FRMPD4: variants seen among roughly 807,000 people sequenced by gnomAD.
FRMPD4 encodes FERM and PDZ domain containing 4.
Under a neutral mutation model 94.1 loss-of-function variants are expected in FRMPD4, and 22 were observed. The ratio of observed to expected loss-of-function variants is 0.23; its 90% CI spans 0.17 to 0.33. FRMPD4 has a LOEUF of 0.33. FRMPD4 is among the 10% of genes least tolerant of loss of function. The pLI, the probability that FRMPD4 is intolerant of heterozygous loss-of-function variation, is 1.00. For missense variants in FRMPD4, 1,111 were observed against 1,339.9 expected, an observed-to-expected ratio of 0.83 and a Z score of 2.67; for synonymous variants, 631 against 548.6, an observed-to-expected ratio of 1.15 and a Z score of -2.10.
intron 4 of FRMPD4, among the ~76,000 whole-genome samples, chrX:12,621,952 G>GAGAGAAAGAAAGAA (rs1338678267): frequency 1.1e-5 from 1 of 87,339 alleles, no homozygotes; most frequent in African/African-American, 4.5e-5. Context: ...AAGAGAGAGA[G>GAGAGAAAGAAAGAA]AGAGAAAGAA....
intron 1 of FRMPD4, among the ~76,000 whole-genome samples, chrX:12,493,767 G>A (rs2057816090): frequency 8.9e-6 from 1 of 111,884 alleles, no homozygotes; most frequent in African/African-American, 3.2e-5. Context: ...AGGCCTGTGA[G>A]TATCCTAAGC....
chrX:12,286,936 C>T (rs1302908245), intron 1 of FRMPD4, among the ~76,000 whole-genome samples: 1 of 112,144 alleles, frequency 8.9e-6, no homozygotes, highest in East Asian at 2.8e-4. Flanking sequence ...ACAGCAAACA[C>T]TCTCTCTGGA....
intron 1 of FRMPD4, among the ~76,000 whole-genome samples, chrX:11,838,780 C>A: frequency 9.0e-6 from 1 of 111,516 alleles, no homozygotes; most frequent in African/African-American, 3.3e-5. Context: ...TAATGTCATG[C>A]TTTTGAGGTT....
chrX:12,176,053 T>A (rs1048566584), intron 1 of FRMPD4, among the ~76,000 whole-genome samples: 6 of 112,091 alleles, frequency 5.4e-5, no homozygotes, highest in African/African-American at 1.3e-4. Flanking sequence ...ATGTAAATAC[T>A]CCGTCACCAA....
chrX:12,203,770 AT>A (rs916845453), intron 1 of FRMPD4, among the ~76,000 whole-genome samples: 34 of 111,803 alleles, frequency 3.0e-4, no homozygotes, highest in South Asian at 7.6e-4. Context: ...CTTCAAATGC[AT>A]TTTTTTCCCC....
rs749110317 is a variant in FRMPD4 at position 12,718,212 on chromosome X, A to G, written c.3386A>G (p.Lys1129Arg). 5.0e-6 allele frequency: 6 copies of G among 1,211,244 alleles called. No individual in the cohort carries two copies. The highest frequency in any genetic ancestry group is 6.7e-6 in the Non-Finnish European group (6 of 894,856). The change falls in exon 16 of 17, where the codon AAG (lysine) becomes AGG (arginine). Residue 1129 changes from lysine (K) to arginine (R), a missense_variant. Physicochemically the swap from Lys to Arg is conservative, Grantham distance 26. Around this residue, in one of 8 missense-constraint regions of FRMPD4, gnomAD observed 551 missense variants for 591.6 expected, o/e 0.93. Transcript: ENST00000675598. ...SGLGAREAEG[K>R]EEGAPDGETS... is the part of the protein sequence containing the mutation. ...CTTGGGGCAAGGGAGGCCGAAGGGA[A>G]GGAAGAAGGAGCTCCTGATGGAGAA...
intron 1 of FRMPD4, among the ~76,000 whole-genome samples, chrX:12,255,771 A>T (rs183766838): frequency 1.8e-5 from 2 of 112,178 alleles, no homozygotes; most frequent in East Asian, 5.6e-4. Flanking sequence ...TAGATGAAGG[A>T]AACCTCTCTC....
At chrX:12,503,113 C>A (rs910606218) in intron 2 of FRMPD4, among the ~76,000 whole-genome samples, 1 of 111,589 alleles carries the variant, frequency 9.0e-6, no homozygotes, top group Non-Finnish European at 1.9e-5. Flanking sequence ...TTGTAAATTA[C>A]AGGAAAAAAT....
chrX:12,411,556 T>C (rs2056732500), intron 1 of FRMPD4, among the ~76,000 whole-genome samples: 1 of 112,399 alleles, frequency 8.9e-6, no homozygotes, highest in African/African-American at 3.2e-5. Context: ...TGTTCACACT[T>C]GTGCAGGACA....
intron 1 of FRMPD4, among the ~76,000 whole-genome samples, chrX:12,327,542 G>C (rs981583229): frequency 8.9e-6 from 1 of 111,970 alleles, no homozygotes; most frequent in Non-Finnish European, 1.9e-5. Context: ...CTTGTAAAAA[G>C]AGTCACTTTA....
At chrX:12,118,376 C>CT (rs79503771) in intron 3 of FRMPD4, among the ~76,000 whole-genome samples, 19,757 of 111,644 alleles carry the variant, frequency 0.18, 2,088 homozygotes, top group East Asian at 0.59. Flanking sequence ...ACTTTCTTGT[C>CT]TTTTTTTATA....
intron 2 of FRMPD4, among the ~76,000 whole-genome samples, chrX:12,536,096 A>G (rs2058336391): frequency 9.3e-6 from 1 of 106,983 alleles, no homozygotes; most frequent in African/African-American, 3.4e-5. Flanking sequence ...TATCATATAT[A>G]TAATACAACT....
chrX:12,458,232 G>C (rs7059786), intron 1 of FRMPD4, among the ~76,000 whole-genome samples: 3,670 of 111,725 alleles, frequency 0.033, 171 homozygotes, highest in African/African-American at 0.11. Flanking sequence ...TCATGAGATG[G>C]AGAAAGGATA....
At chrX:11,899,383 CTTT>C (rs36015171) in intron 3 of FRMPD4, among the ~76,000 whole-genome samples, 7 of 82,715 alleles carry the variant, frequency 8.5e-5, no homozygotes, top group Admixed American at 1.3e-4. Flanking sequence ...GTGATGTTGA[CTTT>C]TTTTTTTTTT....
rs1208150140 is a variant in FRMPD4 at position 12,361,475 on chromosome X, G to A, written c.42-137205G>A. ...GGCTTGCTTTAATGCAGAAGAGCAG[G>A]TGGATGAGCCACTGGGCTTTGCTGG... On this transcript the variant is annotated intron_variant, in intron 1 of 16. Transcript: ENST00000675598. Among the ~76,000 whole-genome samples, 3 of 112,111 alleles carry A rather than the reference G, an allele frequency of 2.7e-5. No homozygotes were observed. The East Asian group carries it at 8.4e-4, about 31-fold the overall frequency.
intron 3 of FRMPD4, among the ~76,000 whole-genome samples, chrX:12,082,990 A>G (rs1279127356): frequency 8.9e-6 from 1 of 112,663 alleles, no homozygotes; most frequent in East Asian, 2.8e-4. Context: ...CAGCCTGATG[A>G]TGCAGTAGAA....
chrX:12,028,699 G>T (rs1180801989), intron 3 of FRMPD4, among the ~76,000 whole-genome samples: 1 of 110,924 alleles, frequency 9.0e-6, no homozygotes, highest in Non-Finnish European at 1.9e-5. Flanking sequence ...GCATAGTTTT[G>T]ACTTCCACAA....
chrX:11,878,856 TG>T (rs1356377233), intron 3 of FRMPD4, among the ~76,000 whole-genome samples: 1 of 112,030 alleles, frequency 8.9e-6, no homozygotes, highest in Non-Finnish European at 1.9e-5. Context: ...CTATGATTAT[TG>T]AGTGTTTAAG....
intron 4 of FRMPD4, among the ~76,000 whole-genome samples, chrX:12,652,193 TC>T (rs2059601277): frequency 8.9e-6 from 1 of 112,146 alleles, no homozygotes; most frequent in Non-Finnish European, 1.9e-5. Context: ...TGTTGAATCC[TC>T]CCCGTCTTCT....
Sources: gnomAD v4.1 joint callset for allele counts (sites outside exome capture counted in the v4.1 genomes callset) on GRCh38, gnomAD v4.1.1 for gene constraint, gnomAD v4.1.1 regional missense constraint, MANE v1.5 for transcripts, NCBI Gene and HGNC (gene_info 2026-07-23, HGNC 2026-07-21) for gene names.